Variants in PLEKHA5 observed in about 807,000 individuals in gnomAD.
PLEKHA5 encodes the protein pleckstrin homology domain containing A5.
PLEKHA5 carries 55 observed loss-of-function variants against 181.9 expected under a neutral mutation model. The observed-to-expected ratio is 0.30, with a 90% confidence interval of 0.24 to 0.38. The LOEUF (loss-of-function observed/expected upper bound fraction) is 0.38. Ranked by LOEUF, PLEKHA5 falls within the 10% of genes least tolerant of loss-of-function variation. The pLI, the probability that PLEKHA5 is intolerant of heterozygous loss-of-function variation, is 1.00. For synonymous variants in PLEKHA5, 535 were observed against 529.4 expected (o/e 1.01, Z -0.15); for missense variants, 1,432 against 1,549.5 (o/e 0.92, Z 1.27).
intron 29 of PLEKHA5, among the ~76,000 whole-genome samples, chr12:19,362,451 T>C (rs909282192): frequency 6.6e-6 from 1 of 151,800 alleles, no homozygotes; most frequent in African/African-American, 2.4e-5. Flanking sequence ...GGAGAAATGC[T>C]TGAACCCAGG....
intron 21 of PLEKHA5, among the ~76,000 whole-genome samples, chr12:19,338,299 A>C (rs766434172): frequency 7.2e-5 from 11 of 152,036 alleles, no homozygotes; most frequent in Non-Finnish European, 1.3e-4. Flanking sequence ...CCTGGGCCCA[A>C]GTGATCCTCC....
At chr12:19,186,277 A>C (rs775554994) in intron 3 of PLEKHA5, among the ~76,000 whole-genome samples, 2 of 152,212 alleles carry the variant, frequency 1.3e-5, no homozygotes, top group Non-Finnish European at 2.9e-5. Context: ...ACCATTAAAA[A>C]TAACAGAGCA....
rs12319276 is a variant in PLEKHA5, at chr12:19,130,379, G to A, written c.169+249G>A. On this transcript the variant is annotated intron_variant, in intron 2 of 31. Transcript: ENST00000429027. This position sits in a 1 kb window ranked among gnomAD's most constrained non-coding sequence, Gnocchi z 4.5. Reference sequence around the variant, plus strand: ...CTTGGAGACGGCGCCCTCTTCCTGCGCCTTCTCCCCCCATCCCAGCCTAGA... The same window carrying A: ...CTTGGAGACGGCGCCCTCTTCCTGCACCTTCTCCCCCCATCCCAGCCTAGA... 6.6e-6 allele frequency among the ~76,000 whole-genome samples: 1 copy of A among 151,804 alleles called. No homozygotes were observed. The highest frequency in any genetic ancestry group is 1.5e-5 in the Non-Finnish European group (1 of 67,918).
chr12:19,340,403 C>G (rs1489992928), intron 21 of PLEKHA5, among the ~76,000 whole-genome samples: 2 of 134,200 alleles, frequency 1.5e-5, no homozygotes, highest in Non-Finnish European at 3.4e-5. Context: ...CCGCCCCGTC[C>G]GGGAGGTGAG....
At chr12:19,156,729 A>G (rs531000180) in intron 3 of PLEKHA5, among the ~76,000 whole-genome samples, 8 of 151,924 alleles carry the variant, frequency 5.3e-5, no homozygotes, top group Non-Finnish European at 7.4e-5. Context: ...AGCATTGACT[A>G]TATATTGGAA....
chr12:19,262,005 T>C (rs1029862287), intron 7 of PLEKHA5, among the ~76,000 whole-genome samples: 1 of 152,164 alleles, frequency 6.6e-6, no homozygotes, highest in African/African-American at 2.4e-5. Context: ...AGATGTTCCT[T>C]AGGCTGCAAT....
chr12:19,182,686 A>C (rs1321687895), intron 3 of PLEKHA5, among the ~76,000 whole-genome samples: 1 of 152,244 alleles, frequency 6.6e-6, no homozygotes, highest in Non-Finnish European at 1.5e-5. Flanking sequence ...GTAATGGAGA[A>C]GAAATAAAAT....
intron 3 of PLEKHA5, among the ~76,000 whole-genome samples, chr12:19,157,446 G>A (rs2042017289): frequency 6.6e-6 from 1 of 151,106 alleles, no homozygotes; most frequent in Non-Finnish European, 1.5e-5. Flanking sequence ...AGATGGTAGA[G>A]ATAACATACT....
rs146000569 is a variant in PLEKHA5, at chr12:19,175,548, A to T, written c.227+43098A>T. ...TTCTATATAAAAATTCTGGTAGGAC[A>T]CAAAAGAAAATGTTAGCAATAATTA... On this transcript the variant is annotated intron_variant, in intron 3 of 31. Transcript: ENST00000429027. 1.5e-3 allele frequency among the ~76,000 whole-genome samples: 233 copies of T among 152,348 alleles called. 1 individual carries two copies. The highest frequency in any genetic ancestry group is 5.4e-3 in the African/African-American group (225 of 41,594).
At chr12:19,334,829 A>AAAAAAAAAAAAAAAAAAATATAT in intron 20 of PLEKHA5, among the ~76,000 whole-genome samples, 1 of 18,602 alleles carries the variant, frequency 5.4e-5, no homozygotes, top group African/African-American at 1.2e-4. Flanking sequence ...AAAAAAAAAA[A>AAAAAAAAAAAAAAAAAAATATAT]ATATATATAT....
At chr12:19,173,228 T>A (rs1236532412) in intron 3 of PLEKHA5, among the ~76,000 whole-genome samples, 1 of 150,580 alleles carries the variant, frequency 6.6e-6, no homozygotes, top group Non-Finnish European at 1.5e-5. Flanking sequence ...TTTCACCTTG[T>A]TAGCCAGGAT....
chr12:19,227,995 C>T (rs1189846237), intron 3 of PLEKHA5, among the ~76,000 whole-genome samples: 1 of 152,184 alleles, frequency 6.6e-6, no homozygotes, highest in Non-Finnish European at 1.5e-5. Flanking sequence ...CACCTCTGGA[C>T]AATGGGAGCC....
intron 26 of PLEKHA5, among the ~76,000 whole-genome samples, chr12:19,354,484 T>G (rs1335661179): frequency 7.3e-6 from 1 of 136,162 alleles, no homozygotes; most frequent in Non-Finnish European, 1.6e-5. Context: ...AAAAAAAAAT[T>G]GTTTTTTTTT....
intron 3 of PLEKHA5, among the ~76,000 whole-genome samples, chr12:19,253,236 G>GCTCA (rs1565523016): frequency 6.0e-5 from 9 of 150,802 alleles, no homozygotes; most frequent in Middle Eastern, 6.9e-3. Context: ...CACCACACCT[G>GCTCA]GCTAATTTTT....
intron 20 of PLEKHA5, among the ~76,000 whole-genome samples, chr12:19,323,547 G>A (rs958636679): frequency 6.6e-6 from 1 of 151,590 alleles, no homozygotes; most frequent in Non-Finnish European, 1.5e-5. Context: ...GCTGGGTGCG[G>A]TGGCTGACAC....
intron 15 of PLEKHA5, among the ~76,000 whole-genome samples, chr12:19,306,172 A>G (rs879613445): frequency 6.6e-6 from 1 of 152,196 alleles, no homozygotes; most frequent in Non-Finnish European, 1.5e-5. Context: ...TAGTTTTTCT[A>G]AACATTTGGA....
At chr12:19,336,648 T>G (rs1484639986) in intron 21 of PLEKHA5, 32 bp downstream of exon 21, 1 of 1,247,150 alleles carries the variant, frequency 8.0e-7, no homozygotes, top group Non-Finnish European at 1.2e-6. Flanking sequence ...TATATTGTTT[T>G]AACTGTTTTT....
chr12:19,364,801 G>A (rs1344955765), intron 29 of PLEKHA5, among the ~76,000 whole-genome samples: 3 of 151,834 alleles, frequency 2.0e-5, no homozygotes, highest in Admixed American at 6.6e-5. Context: ...AAGTAGCTGG[G>A]TTTATAGGCG....
intron 3 of PLEKHA5, among the ~76,000 whole-genome samples, chr12:19,251,181 G>T (rs973350228): frequency 6.6e-6 from 1 of 152,092 alleles, no homozygotes; most frequent in African/African-American, 2.4e-5. Flanking sequence ...AAGGCTGATG[G>T]ATCACTTGAG....
Sources: gnomAD v4.1 joint callset for allele counts (sites outside exome capture counted in the v4.1 genomes callset) on GRCh38, gnomAD v4.1.1 for gene constraint, Gnocchi (gnomAD v3.1) non-coding constraint, MANE v1.5 for transcripts, NCBI Gene and HGNC (gene_info 2026-07-23, HGNC 2026-07-21) for gene names.